Variants in NEK11 observed in about 807,000 individuals in gnomAD.
NEK11 encodes the protein NIMA related kinase 11, also known as serine/threonine-protein kinase Nek11.
In NEK11, 72 loss-of-function variants were observed where a neutral mutation model predicts 80.7. The observed-to-expected ratio is 0.89, with a 90% CI of 0.74 to 1.08. NEK11 has a LOEUF of 1.08. Among genes scored for constraint, NEK11 ranks in the 50% least tolerant of loss-of-function variants. The pLI, the probability that NEK11 is intolerant of heterozygous loss-of-function variation, is 0.00. For missense variants in NEK11, 764 were observed against 763.6 expected, an observed-to-expected ratio of 1.00 and a Z score of -0.01; for synonymous variants, 251 against 260.7, an observed-to-expected ratio of 0.96 and a Z score of 0.36.
chr3:131,187,733 A>G (rs1194484367), intron 14 of NEK11, among the ~76,000 whole-genome samples: 1 of 152,170 alleles, frequency 6.6e-6, no homozygotes, highest in Non-Finnish European at 1.5e-5. Context: ...TCCAGAGCAT[A>G]TTAGGACCAA....
chr3:131,168,235 T>C (rs1303828508), intron 12 of NEK11, among the ~76,000 whole-genome samples: 1 of 152,232 alleles, frequency 6.6e-6, no homozygotes, highest in African/African-American at 2.4e-5. Flanking sequence ...TTATGGCTTA[T>C]AGTATTCTCA....
intron 14 of NEK11, among the ~76,000 whole-genome samples, chr3:131,225,043 C>T (rs111477249): frequency 0.017 from 2,541 of 152,214 alleles, 73 homozygotes; most frequent in African/African-American, 0.058. Context: ...TCTGTAGTAG[C>T]GTACAGTAAT....
chr3:131,251,200 C>CAA (rs770059749), intron 16 of NEK11, among the ~76,000 whole-genome samples: 4,833 of 90,792 alleles, frequency 0.053, 142 homozygotes, highest in East Asian at 0.13. Context: ...AAGGTAAATA[C>CAA]AAAAAAAAAA....
chr3:131,107,325 C>T (rs138334087), intron 4 of NEK11, among the ~76,000 whole-genome samples: 8 of 151,648 alleles, frequency 5.3e-5, no homozygotes, highest in East Asian at 1.9e-4. Flanking sequence ...GGTTGACATA[C>T]GTCGTGCACA....
chr3:131,161,305 C>G (rs2091546727), intron 10 of NEK11, among the ~76,000 whole-genome samples: 1 of 152,020 alleles, frequency 6.6e-6, no homozygotes, highest in African/African-American at 2.4e-5. Flanking sequence ...AATAGAATAC[C>G]ATTTGACCCA....
intron 4 of NEK11, among the ~76,000 whole-genome samples, chr3:131,100,484 C>T (rs1479091153): frequency 4.6e-5 from 7 of 152,074 alleles, no homozygotes; most frequent in Non-Finnish European, 7.4e-5. Context: ...GCAGGATAAT[C>T]GTGTGAACCT....
At chr3:131,257,235 G>A (rs565866770) in intron 16 of NEK11, among the ~76,000 whole-genome samples, 7 of 151,582 alleles carry the variant, frequency 4.6e-5, no homozygotes, top group South Asian at 2.1e-4. Context: ...GGCTCAAGTG[G>A]TTCACCTGAC....
intron 3 of NEK11, among the ~76,000 whole-genome samples, chr3:131,040,691 T>G (rs555986170): frequency 2.6e-5 from 4 of 152,282 alleles, no homozygotes; most frequent in Admixed American, 2.6e-4. Flanking sequence ...ATAGGCTTTG[T>G]TTTTGGTACC....
rs113629039 is a variant in NEK11, at chr3:131,217,173, T to G, written c.1400-11355T>G. Among the ~76,000 whole-genome samples the G allele has an allele frequency of 1.1e-3, 173 of 152,262 alleles. 1 individual carries two copies. The highest frequency in any genetic ancestry group is 3.9e-3 in the African/African-American group (163 of 41,548). ...TCATGGTTCACAGTGGGGAGAGAGA[T>G]TGCTTTTAAAAATTGAAAAGGAAAA... On this transcript the variant is annotated intron_variant, in intron 14 of 17. Coordinates refer to ENST00000383366, the MANE Select transcript of NEK11 (RefSeq NM_024800.5).
chr3:131,194,213 A>G (rs76669449), intron 14 of NEK11, among the ~76,000 whole-genome samples: 2,552 of 152,314 alleles, frequency 0.017, 67 homozygotes, highest in African/African-American at 0.059. Context: ...AAATGAATGT[A>G]TTCCTTTTGT....
chr3:131,230,838 T>C (rs2095315137), intron 15 of NEK11, among the ~76,000 whole-genome samples: 1 of 152,144 alleles, frequency 6.6e-6, no homozygotes, highest in African/African-American at 2.4e-5. Context: ...TCCCATGTGT[T>C]ATGGGAGGGA....
intron 4 of NEK11, among the ~76,000 whole-genome samples, chr3:131,104,755 G>A (rs2078926772): frequency 6.6e-6 from 1 of 152,168 alleles, no homozygotes; most frequent in Non-Finnish European, 1.5e-5. Flanking sequence ...GGCTCATGGA[G>A]CTCAATGTGG....
At chr3:131,163,059 G>C (rs2718864) in intron 11 of NEK11, among the ~76,000 whole-genome samples, 13,719 of 152,172 alleles carry the variant, frequency 0.09, 1,134 homozygotes, top group East Asian at 0.43. Flanking sequence ...CTAGTAATTA[G>C]AGTATTTACA....
intron 3 of NEK11, among the ~76,000 whole-genome samples, chr3:131,036,207 C>T (rs747059014): frequency 3.9e-5 from 6 of 152,128 alleles, no homozygotes; most frequent in Non-Finnish European, 7.4e-5. Context: ...GTATCATGTG[C>T]AAGACTGAAA....
At chr3:131,082,395 C>T (rs1200883578) in intron 4 of NEK11, among the ~76,000 whole-genome samples, 1 of 152,164 alleles carries the variant, frequency 6.6e-6, no homozygotes, top group Non-Finnish European at 1.5e-5. Context: ...GCTTTTAGGA[C>T]ATTGACTTTT....
At chr3:131,100,438 A>G (rs1394652965) in intron 4 of NEK11, among the ~76,000 whole-genome samples, 1 of 152,116 alleles carries the variant, frequency 6.6e-6, no homozygotes, top group Non-Finnish European at 1.5e-5. Context: ...TACTAAAAAT[A>G]TAAAAAATTA....
At chr3:131,053,872 A>G (rs1373411506) in intron 3 of NEK11, 1 of 152,278 alleles carries the variant, frequency 6.6e-6, no homozygotes, top group African/African-American at 2.4e-5. Flanking sequence ...AAAAATTAAC[A>G]TACCAAAATT....
At chr3:131,193,346 G>A (rs1515912) in intron 14 of NEK11, among the ~76,000 whole-genome samples, 2,006 of 152,202 alleles carry the variant, frequency 0.013, 40 homozygotes, top group African/African-American at 0.045. Flanking sequence ...TAACATATTG[G>A]TATTGTTAGA....
chr3:131,250,134 G>A (rs955548303), intron 16 of NEK11, among the ~76,000 whole-genome samples: 2 of 151,874 alleles, frequency 1.3e-5, no homozygotes, highest in African/African-American at 4.8e-5. Flanking sequence ...TAAAAATTCA[G>A]TAGAAGGTTT....
Sources: gnomAD v4.1 joint callset for allele counts (sites outside exome capture counted in the v4.1 genomes callset) on GRCh38, gnomAD v4.1.1 for gene constraint, MANE v1.5 for transcripts, NCBI Gene and HGNC (gene_info 2026-07-23, HGNC 2026-07-21) for gene names.